GRAMD1B: variants seen among roughly 807,000 people sequenced by gnomAD.
The protein encoded by GRAMD1B is GRAM domain containing 1B, also known as protein Aster-B.
Under a neutral mutation model 99.7 loss-of-function variants are expected in GRAMD1B, and 37 were observed. The observed-to-expected ratio is 0.37, with a 90% CI of 0.29 to 0.49. The LOEUF is 0.49. Ranked by LOEUF, GRAMD1B falls within the 20% of genes least tolerant of loss-of-function variation. GRAMD1B has a pLI of 0.98. For missense variants in GRAMD1B, 888 were observed against 1,009.2 expected (o/e 0.88, Z 1.63); for synonymous variants, 427 against 387.6 (o/e 1.10, Z -1.19).
At position 123,605,358 on chromosome 11, in the gene GRAMD1B, G is replaced by A; in HGVS notation, c.1203G>A (p.Val401=). 6.2e-7 allele frequency: 1 copy of A among 1,612,816 alleles called. No homozygotes were observed. Among genetic ancestry groups the A allele is most frequent in the Non-Finnish European group, 8.5e-7 (1 of 1,179,198 alleles). Residue 401 remains valine, a synonymous_variant, in exon 10 of 20, where the codon GTG becomes GTA. Transcript: ENST00000635736. ...AGATCCCTGTGGAAGAGAATGAAGTGAATGACAGCTCATCCAAGAGCAGCA... is the reference window on the plus strand; with the variant it reads ...AGATCCCTGTGGAAGAGAATGAAGTAAATGACAGCTCATCCAAGAGCAGCA... ...CEEIPVEENE[V]NDSSSKSSIE...
chr11:123,484,593 C>T (rs916395444), intron 2 of GRAMD1B, among the ~76,000 whole-genome samples: 8 of 152,072 alleles, frequency 5.3e-5, no homozygotes, highest in African/African-American at 1.7e-4. Context: ...TGCATCAACT[C>T]GCTTTGGAGA....
At position 123,544,611 on chromosome 11, in the gene GRAMD1B, A is replaced by AG. The variant is rs1160261976; in HGVS notation, c.453-32755dup. On this transcript the variant is annotated intron_variant, in intron 2 of 19. Transcript: ENST00000635736. ...TAACTCTCCCTGGGAGGAAAACTTG[A>AG]GATGCACAGGAGGTCCTGGGTTCCC... Among the ~76,000 whole-genome samples, 5 of 152,242 alleles carry AG rather than the reference A, an allele frequency of 3.3e-5. No homozygotes were observed. In the East Asian group the frequency reaches 9.7e-4, roughly 29 times the overall value.
Position 123,622,520 on chromosome 11 carries a change from C to T in GRAMD1B, c.2559C>T (p.Leu853=), listed in dbSNP as rs1406288956. The T allele has an allele frequency of 6.4e-7, 1 of 1,554,928 alleles. No homozygotes were observed. The highest frequency in any genetic ancestry group is 1.2e-5 in the South Asian group (1 of 84,284). The change falls in exon 20 of 20, where the codon CTC becomes CTT. Residue 853 remains leucine, a synonymous_variant. Coordinates refer to ENST00000635736, the MANE Select transcript of GRAMD1B (RefSeq NM_001387025.1). ...CTGTCTTGCAGATGAAGGACTCGCT[C>T]ATCAACCTTCAGAACGGCATCAGGT... ...VMLLDQMKDS[L]INLQNGIRSR...
chr11:123,462,898 A>T (rs55668334), intron 1 of GRAMD1B, among the ~76,000 whole-genome samples: 42,054 of 143,658 alleles, frequency 0.29, 6,701 homozygotes, highest in South Asian at 0.41. Context: ...AATTAAAAAA[A>T]AAAAAAAAAA....
At chr11:123,495,262 T>C (rs1012689199) in intron 2 of GRAMD1B, among the ~76,000 whole-genome samples, 15 of 152,102 alleles carry the variant, frequency 9.9e-5, no homozygotes, top group East Asian at 9.6e-4. Flanking sequence ...ATACAAGCCC[T>C]AATATGCTTT....
chr11:123,496,391 T>G (rs1939264396), intron 2 of GRAMD1B, among the ~76,000 whole-genome samples: 1 of 152,156 alleles, frequency 6.6e-6, no homozygotes, highest in Non-Finnish European at 1.5e-5. Context: ...GATCCTTTTT[T>G]AAAATCCTTG....
intron 1 of GRAMD1B, among the ~76,000 whole-genome samples, chr11:123,384,151 T>A (rs1192403457): frequency 2.0e-5 from 3 of 152,184 alleles, no homozygotes; most frequent in East Asian, 1.9e-4. Flanking sequence ...ATTACAGGCA[T>A]GAGACACTGT....
In GRAMD1B at chr11:123,626,927, C is replaced by T. The variant is rs1158763865; in HGVS notation, c.*4332C>T. The T allele has an allele frequency of 1.3e-5, 2 of 152,332 alleles. No individual in the cohort carries two copies. Among genetic ancestry groups the T allele is most frequent in the African/African-American group, 4.8e-5 (2 of 41,450 alleles). 9.4% of individuals were successfully genotyped at this position (152,332 alleles called of 1,614,324 possible). A position where few individuals can be genotyped will look rare whatever the true frequency, so the allele number is the denominator to read the frequency against. ...TGCACACTATTTAGAGAGCTCCCTT[C>T]CCACCTCTCTGCCCAGCCTTGTTAC... is the stretch of plus-strand genomic sequence containing the variant. On this transcript the variant is annotated 3_prime_UTR_variant, in exon 20 of 20. Coordinates refer to ENST00000635736, the MANE Select transcript of GRAMD1B (RefSeq NM_001387025.1).
At chr11:123,514,688 G>A (rs752563326) in intron 2 of GRAMD1B, among the ~76,000 whole-genome samples, 9 of 152,180 alleles carry the variant, frequency 5.9e-5, no homozygotes, top group Non-Finnish European at 8.8e-5. Context: ...GTGAAAGCCC[G>A]TGCAGTGCTG....
rs1314536381 is a variant in GRAMD1B, at chr11:123,620,595, G to A, written c.2544+1371G>A. ...CATTTTTTATTTTAAACCAAAAGGGGACAGAAAGCTTAGTGAGGAGTTTAG... is the reference window on the plus strand; with the variant it reads ...CATTTTTTATTTTAAACCAAAAGGGAACAGAAAGCTTAGTGAGGAGTTTAG... On this transcript the variant is annotated intron_variant, in intron 19 of 19. Coordinates refer to ENST00000635736, the MANE Select transcript of GRAMD1B (RefSeq NM_001387025.1). Among the ~76,000 whole-genome samples the A allele has an allele frequency of 2.0e-5, 3 of 151,986 alleles. No homozygotes were observed. The East Asian group carries it at 5.8e-4, about 29-fold the overall frequency.
intron 4 of GRAMD1B, among the ~76,000 whole-genome samples, chr11:123,585,467 C>T (rs1949973440): frequency 6.6e-6 from 1 of 152,232 alleles, no homozygotes; most frequent in Admixed American, 6.5e-5. Context: ...TTGGCTGCCA[C>T]CTGCCCAGCA....
chr11:123,404,736 T>C (rs1947793910), intron 1 of GRAMD1B, among the ~76,000 whole-genome samples: 1 of 152,272 alleles, frequency 6.6e-6, no homozygotes, highest in African/African-American at 2.4e-5. Context: ...AAAGCATTAC[T>C]CAACTTCGTC....
chr11:123,439,783 G>A (rs551497531), intron 1 of GRAMD1B, among the ~76,000 whole-genome samples: 1 of 152,164 alleles, frequency 6.6e-6, no homozygotes. Flanking sequence ...TCTTTTTAAG[G>A]TCTCTCCCTC....
At chr11:123,386,830 G>T (rs770933049) in intron 1 of GRAMD1B, among the ~76,000 whole-genome samples, 1 of 152,228 alleles carries the variant, frequency 6.6e-6, no homozygotes, top group Non-Finnish European at 1.5e-5. Flanking sequence ...CCGCAGCTAG[G>T]CAGAGCATGC....
chr11:123,617,279 GC>G lies in GRAMD1B; in HGVS notation c.2319-1413del, dbSNP rs574159143. Among the ~76,000 whole-genome samples, 583 of 151,724 alleles carry G rather than the reference GC, an allele frequency of 3.8e-3. 4 individuals are homozygous for G. The highest frequency in any genetic ancestry group is 0.013 in the African/African-American group (553 of 41,330). On this transcript the variant is annotated intron_variant, in intron 17 of 19. Coordinates refer to ENST00000635736, the MANE Select transcript of GRAMD1B (RefSeq NM_001387025.1). ...GCTCACTCTAACTTCCCCTTCCCGG[GC>G]TCAAGCAATCCTCCTGCCTCAGCTT...
rs191455961 is a variant in GRAMD1B at position 123,556,111 on chromosome 11, G to A, written c.453-21256G>A. Among the ~76,000 whole-genome samples the A allele has an allele frequency of 8.5e-5, 13 of 152,268 alleles. No homozygotes were observed. In the East Asian group the frequency reaches 1.4e-3, roughly 16 times the overall value. ...AATGGTGAATTCTCAGTAACTTGTC[G>A]ATCCCTGTTTCTCTTCTTCTTTGTA... On this transcript the variant is annotated intron_variant, in intron 2 of 19. Transcript: ENST00000635736.
rs186987450 is a variant in GRAMD1B, at chr11:123,575,997, T to C, written c.453-1370T>C. ...CTTCCTTTTCTCTGGTCTCCTTTTT[T>C]TTTCTTTATCAGTTTCCTTCCAAAA... On this transcript the variant is annotated intron_variant, in intron 2 of 19. Coordinates refer to ENST00000635736, the MANE Select transcript of GRAMD1B (RefSeq NM_001387025.1). 2.8e-4 allele frequency among the ~76,000 whole-genome samples: 43 copies of C among 152,152 alleles called. No homozygotes were observed. The East Asian group carries it at 7.4e-3, about 26-fold the overall frequency.
At chr11:123,502,774 C>CAAAAAA (rs34321315) in intron 2 of GRAMD1B, among the ~76,000 whole-genome samples, 9 of 98,488 alleles carry the variant, frequency 9.1e-5, no homozygotes, top group African/African-American at 1.6e-4. Context: ...GACTCCATCT[C>CAAAAAA]AAAAAAAAAA....
intron 1 of GRAMD1B, among the ~76,000 whole-genome samples, chr11:123,400,449 C>T (rs1947621339): frequency 6.6e-6 from 1 of 152,144 alleles, no homozygotes; most frequent in Admixed American, 6.6e-5. Flanking sequence ...TGCAATTCCC[C>T]TTGGGCAACA....
Sources: allele counts gnomAD v4.1 joint callset (sites outside exome capture counted in the v4.1 genomes callset), GRCh38; gene constraint gnomAD v4.1.1; transcripts MANE v1.5; gene names NCBI Gene and HGNC (gene_info 2026-07-23, HGNC 2026-07-21).